Variants in APBB2 observed in about 807,000 individuals in gnomAD.
APBB2 encodes the protein amyloid beta precursor protein binding family B member 2.
A neutral mutation model predicts 82.5 loss-of-function variants in APBB2; 38 were observed. The observed-to-expected ratio is 0.46, with a 90% CI of 0.36 to 0.60. The LOEUF (loss-of-function observed/expected upper bound fraction) is 0.60. Among genes scored for constraint, APBB2 ranks in the 20% least tolerant of loss-of-function variants. APBB2 has a pLI of 0.00. For synonymous variants in APBB2, 341 were observed against 368.2 expected, an observed-to-expected ratio of 0.93 and a Z score of 0.85; for missense variants, 772 against 972.3, an observed-to-expected ratio of 0.79 and a Z score of 2.74.
At chr4:40,930,444 TGTGTGCGCGCGCGCGC>T (rs1246450223) in intron 10 of APBB2, among the ~76,000 whole-genome samples, 31 of 60,932 alleles carry the variant, frequency 5.1e-4, no homozygotes, top group Admixed American at 1.0e-3. Flanking sequence ...TGTGTGTGTG[TGTGTGCGCGCGCGCGC>T]GCGCGCGTGC....
chr4:40,916,128 AG>A (rs751060059), intron 10 of APBB2, among the ~76,000 whole-genome samples: 1 of 152,196 alleles, frequency 6.6e-6, no homozygotes, highest in Non-Finnish European at 1.5e-5. Context: ...CATTTTAGGT[AG>A]TTGTTCTAAA....
intron 2 of APBB2, among the ~76,000 whole-genome samples, chr4:41,128,545 A>C (rs1430460219): frequency 6.6e-6 from 1 of 152,234 alleles, no homozygotes; most frequent in Non-Finnish European, 1.5e-5. Context: ...AATCACTTTA[A>C]TCTCATTTTA....
intron 5 of APBB2, among the ~76,000 whole-genome samples, chr4:41,022,854 A>C (rs1579317895): frequency 1.2e-5 from 1 of 84,480 alleles, no homozygotes; most frequent in Non-Finnish European, 3.1e-5. Context: ...CACTGTTATT[A>C]ATAGTTAAGT....
intron 6 of APBB2, among the ~76,000 whole-genome samples, chr4:40,982,283 AAGGAAGG>A (rs1798886697): frequency 6.8e-5 from 2 of 29,452 alleles, no homozygotes; most frequent in African/African-American, 2.0e-4. Flanking sequence ...AGAAAGAAAG[AAGGAAGG>A]AAGGAAGGAA....
chr4:41,202,857 G>A (rs1395330484), intron 1 of APBB2, among the ~76,000 whole-genome samples: 1 of 152,140 alleles, frequency 6.6e-6, no homozygotes, highest in East Asian at 1.9e-4. Context: ...AATAACTGGG[G>A]CTGCAGAATG....
chr4:40,878,824 T>G (rs73148562), intron 12 of APBB2, among the ~76,000 whole-genome samples: 1 of 152,094 alleles, frequency 6.6e-6, no homozygotes, highest in African/African-American at 2.4e-5. Context: ...AAGTCAACTC[T>G]CTGGCTCCCT....
At chr4:40,844,427 C>T (rs187271969) in intron 12 of APBB2, among the ~76,000 whole-genome samples, 4 of 152,186 alleles carry the variant, frequency 2.6e-5, no homozygotes, top group South Asian at 2.1e-4. Flanking sequence ...TAACCTGCAA[C>T]GTTAACAGCT....
rs376829031 is a variant in APBB2 at position 40,934,682 on chromosome 4, A to G, written c.1125T>C (p.Thr375=). 26 of 1,613,654 alleles carry G rather than the reference A, an allele frequency of 1.6e-5. No individual in the cohort carries two copies. Among genetic ancestry groups the G allele is most frequent in the Non-Finnish European group, 2.1e-5 (25 of 1,179,654 alleles). Residue 375 remains threonine, a synonymous_variant, in exon 9 of 18, where the codon ACT becomes ACC. Transcript: ENST00000508593. ...CTTTTAAACTGGGGTCCGGGTTAACAGTGGCTGCATGCAAATCCTAGAGGA... is the reference window on the plus strand; with the variant it reads ...CTTTTAAACTGGGGTCCGGGTTAACGGTGGCTGCATGCAAATCCTAGAGGA... ...SDIWKDLHAA[T]VNPDPSLKEF... is the part of the protein sequence containing the mutation.
At chr4:41,025,014 C>G (rs1040083378) in intron 5 of APBB2, among the ~76,000 whole-genome samples, 1 of 152,214 alleles carries the variant, frequency 6.6e-6, no homozygotes, top group African/African-American at 2.4e-5. Context: ...CTAGCCCACC[C>G]CCTTTTAGAA....
intron 12 of APBB2, among the ~76,000 whole-genome samples, chr4:40,836,442 A>G (rs1753973399): frequency 6.6e-6 from 1 of 152,178 alleles, no homozygotes; most frequent in Non-Finnish European, 1.5e-5. Context: ...CCACCACTGC[A>G]CTCCTGCCTA....
rs202038875 is a variant in APBB2 at position 40,827,191 on chromosome 4, G to A, written c.1673C>T (p.Ala558Val). The change falls in exon 14 of 18, where the codon GCG (alanine) becomes GTG (valine). Residue 558 changes from alanine to valine, a missense_variant. By Grantham distance (64) the Ala-to-Val change is moderately conservative (BLOSUM62 0). Coordinates refer to ENST00000508593, the MANE Select transcript of APBB2 (RefSeq NM_004307.2). ...KIMAERKNAK[A>V]LACSSLQERA... ...TTCCTGTAAGGAGCTGCAGGCCAGCGCTTTGGCATTCTTCCGTTCAGCCAT... is the reference window on the plus strand; with the variant it reads ...TTCCTGTAAGGAGCTGCAGGCCAGCACTTTGGCATTCTTCCGTTCAGCCAT... 6.8e-6 allele frequency: 11 copies of A among 1,614,048 alleles called. No homozygotes were observed. The highest frequency in any genetic ancestry group is 2.7e-5 in the African/African-American group (2 of 74,926).
intron 5 of APBB2, among the ~76,000 whole-genome samples, chr4:41,027,348 T>C (rs959387882): frequency 7.0e-6 from 1 of 142,826 alleles, no homozygotes; most frequent in African/African-American, 2.6e-5. Flanking sequence ...TTTATATTTT[T>C]ATAAACATAT....
chr4:40,930,448 T>TGTGTGC (rs1480774001), intron 10 of APBB2, among the ~76,000 whole-genome samples: 27 of 66,536 alleles, frequency 4.1e-4, no homozygotes, highest in African/African-American at 1.4e-3. Flanking sequence ...TGTGTGTGTG[T>TGTGTGC]GCGCGCGCGC....
chr4:40,989,684 T>C (rs759188533), intron 6 of APBB2, among the ~76,000 whole-genome samples: 5 of 152,208 alleles, frequency 3.3e-5, no homozygotes, highest in Non-Finnish European at 5.9e-5. Context: ...CTGCACAGAC[T>C]GATACAGCCC....
rs74426763 is a variant in APBB2 at position 41,095,967 on chromosome 4, C to G, written c.-149+4672G>C. 5.7e-3 allele frequency among the ~76,000 whole-genome samples: 875 copies of G among 152,328 alleles called. 8 individuals carry two copies. Among genetic ancestry groups the G allele is most frequent in the African/African-American group, 0.018 (758 of 41,570 alleles). Reference sequence around the variant, plus strand: ...ATCTCAGGGTCCACTCTGTTCTCCACGCTCCATACCCCAGCCACGGTGGAG... The same window carrying G: ...ATCTCAGGGTCCACTCTGTTCTCCAGGCTCCATACCCCAGCCACGGTGGAG... On this transcript the variant is annotated intron_variant, in intron 3 of 17. Transcript: ENST00000508593.
At chr4:40,954,003 A>G (rs570666417) in intron 6 of APBB2, among the ~76,000 whole-genome samples, 1 of 152,296 alleles carries the variant, frequency 6.6e-6, no homozygotes, top group East Asian at 1.9e-4. Flanking sequence ...GCCTGAGAAC[A>G]AGCCCATCTG....
chr4:40,985,746 C>CT (rs1397632053), intron 6 of APBB2, among the ~76,000 whole-genome samples: 1 of 152,130 alleles, frequency 6.6e-6, no homozygotes, highest in Non-Finnish European at 1.5e-5. Context: ...CACCAACTCT[C>CT]TAAGTATTAA....
At chr4:41,023,318 ATGTC>A (rs1712523159) in intron 5 of APBB2, among the ~76,000 whole-genome samples, 1 of 152,164 alleles carries the variant, frequency 6.6e-6, no homozygotes, top group Non-Finnish European at 1.5e-5. Flanking sequence ...ATTAGATCCT[ATGTC>A]TATGTCTTCT....
chr4:40,876,315 T>C (rs2031193674), intron 12 of APBB2, among the ~76,000 whole-genome samples: 1 of 152,230 alleles, frequency 6.6e-6, no homozygotes, highest in South Asian at 2.1e-4. Context: ...ATAATGAGTA[T>C]ATCTGTAACT....
Sources: gnomAD v4.1 joint callset for allele counts (sites outside exome capture counted in the v4.1 genomes callset) on GRCh38, gnomAD v4.1.1 for gene constraint, MANE v1.5 for transcripts, NCBI Gene and HGNC (gene_info 2026-07-23, HGNC 2026-07-21) for gene names.